The following ZNF416 variants were observed in gnomAD, a reference collection of about 807,000 sequenced individuals.
ZNF416 encodes the protein zinc finger protein 416.
Under a neutral mutation model 10.9 loss-of-function variants are expected in ZNF416, and 5 were observed. The ratio of observed to expected loss-of-function variants is 0.46; its 90% confidence interval spans 0.24 to 0.97. The LOEUF (loss-of-function observed/expected upper bound fraction) is 0.97. Among genes scored for constraint, ZNF416 ranks in the 50% least tolerant of loss-of-function variants. The probability of loss-of-function intolerance (pLI) is 0.19; values close to 1 mark genes in which losing one functional copy is unlikely to be tolerated. For synonymous variants in ZNF416, 267 were observed against 251.8 expected (o/e 1.06, Z -0.57); for missense variants, 675 against 715.0 (o/e 0.94, Z 0.64).
chr19:57,578,365 G>A (rs1599911083), intron 1 of ZNF416: 1 of 572,340 alleles, frequency 1.7e-6, no homozygotes, highest in Non-Finnish European at 3.1e-6. Flanking sequence ...CTCAGACCAT[G>A]TGCCTCGTCT....
Position 57,572,240 on chromosome 19 carries a change from C to T in ZNF416, c.1664G>A (p.Cys555Tyr), listed in dbSNP as rs1255369968. 1 of 1,614,232 alleles carries T rather than the reference C, an allele frequency of 6.2e-7. No homozygotes were observed. The highest frequency in any genetic ancestry group is 8.5e-7 in the Non-Finnish European group (1 of 1,180,052). Residue 555 changes from cysteine to tyrosine, a missense_variant, in exon 4 of 4, where the codon TGT (cysteine) becomes TAT (tyrosine). Transcript: ENST00000196489. The surrounding 1 kb of genome is among the most constrained non-coding windows in gnomAD (Gnocchi z 4.5). Reference sequence around the variant, plus strand: ...AGAGTGTTGTGTAAAGGACTTCCCACATTTGCCACACTCATATGGCCTTTC... The same window carrying T: ...AGAGTGTTGTGTAAAGGACTTCCCATATTTGCCACACTCATATGGCCTTTC... ...TGERPYECGK[C>Y]GKSFTQHSGL...
At chr19:57,577,905 C>T (rs1305838638) in intron 2 of ZNF416, 152 bp downstream of exon 2, 2 of 788,216 alleles carry the variant, frequency 2.5e-6, no homozygotes, top group Non-Finnish European at 4.2e-6. Flanking sequence ...ATACCAGCTT[C>T]CAGCCTGGAT....
chr19:57,577,748 C>A (rs1412356426), intron 2 of ZNF416, among the ~76,000 whole-genome samples: 2 of 152,304 alleles, frequency 1.3e-5, no homozygotes, highest in Non-Finnish European at 2.9e-5. Flanking sequence ...TCCTGCATCC[C>A]AGCTTTCAGT....
rs190913412 is a variant in ZNF416, at chr19:57,575,584, G to A, written c.202+220C>T. Among the ~76,000 whole-genome samples, 191 of 152,272 alleles carry A rather than the reference G, an allele frequency of 1.3e-3. No individual in the cohort carries two copies. Among genetic ancestry groups the A allele is most frequent in the African/African-American group, 3.9e-3 (164 of 41,542 alleles). ...TGAAGAAGTAAACGGAGATGCATTA[G>A]GCTGACTCAAGACACCTAACAGCCA... On this transcript the variant is annotated intron_variant, in intron 3 of 3. Coordinates refer to ENST00000196489, the MANE Select transcript of ZNF416 (RefSeq NM_017879.3). The surrounding 1 kb of genome is among the most constrained non-coding windows in gnomAD (Gnocchi z 4.4).
rs995666725 is a variant in ZNF416 at position 57,575,572 on chromosome 19, G to A, written c.202+232C>T. On this transcript the variant is annotated intron_variant, in intron 3 of 3. Transcript: ENST00000196489. This position sits in a 1 kb window ranked among gnomAD's most constrained non-coding sequence, Gnocchi z 4.4. The stretch of plus-strand genomic sequence containing the variant: ...CCAAAGAGGAAGTGAAGAAGTAAAC[G>A]GAGATGCATTAGGCTGACTCAAGAC... 3.3e-5 allele frequency among the ~76,000 whole-genome samples: 5 copies of A among 152,274 alleles called. No individual in the cohort carries two copies. Among genetic ancestry groups the A allele is most frequent in the African/African-American group, 4.8e-5 (2 of 41,548 alleles).
intron 3 of ZNF416, among the ~76,000 whole-genome samples, chr19:57,573,943 G>C (rs1176217602): frequency 6.6e-6 from 1 of 152,140 alleles, no homozygotes; most frequent in Non-Finnish European, 1.5e-5. Context: ...AGAATTGCTT[G>C]AATCCGGGAG....
At chr19:57,577,586 T>C (rs1978590022) in intron 2 of ZNF416, among the ~76,000 whole-genome samples, 1 of 152,124 alleles carries the variant, frequency 6.6e-6, no homozygotes, top group Admixed American at 6.5e-5. Flanking sequence ...ATCTCATACC[T>C]CACACTCAGC....
Position 57,573,065 on chromosome 19 carries a change from C to T in ZNF416, c.839G>A (p.Ser280Asn). The T allele has an allele frequency of 6.2e-7, 1 of 1,614,222 alleles. No individual in the cohort carries two copies. Among genetic ancestry groups the T allele is most frequent in the South Asian group, 1.1e-5 (1 of 91,084 alleles). Residue 280 changes from serine (S) to asparagine (N), a missense_variant, in exon 4 of 4, where the codon AGC (serine) becomes AAC (asparagine). By Grantham distance (46) the Ser-to-Asn change is conservative. Transcript: ENST00000196489. ...ATGATCATTCAGATGAGAGGTTTGG[C>T]TAAAAGATTTCCCACATTCACTGCA... ...YECSECGKSF[S>N]QTSHLNDHRR...
chr19:57,571,763 G>A lies in ZNF416; in HGVS notation c.*356C>T. 1 of 210,680 alleles carries A rather than the reference G, an allele frequency of 4.7e-6. No homozygotes were observed. The highest frequency in any genetic ancestry group is 1.1e-4 in the South Asian group (1 of 9,378). The allele number at this position is 210,680 out of a possible 1,614,324, so 13.1% of individuals were successfully genotyped here. A position where few individuals can be genotyped will look rare whatever the true frequency, so the allele number is the denominator to read the frequency against. The stretch of plus-strand genomic sequence containing the variant: ...TCTGGCCAAAACTGGTCAGATGTAT[G>A]CTGTAATCAGTCAGAAAAGGGAAGG... On this transcript the variant is annotated 3_prime_UTR_variant, in exon 4 of 4. Coordinates refer to ENST00000196489, the MANE Select transcript of ZNF416 (RefSeq NM_017879.3).
In ZNF416 at chr19:57,571,832, G is replaced by A; in HGVS notation, c.*287C>T. ...AGACTGCTCAAGGAATTTCCTCCAAGGGTTGGGAGAACACAGGTGTATCTG... is the reference window on the plus strand; with the variant it reads ...AGACTGCTCAAGGAATTTCCTCCAAAGGTTGGGAGAACACAGGTGTATCTG... On this transcript the variant is annotated 3_prime_UTR_variant, in exon 4 of 4. Coordinates refer to ENST00000196489, the MANE Select transcript of ZNF416 (RefSeq NM_017879.3). 2 of 351,286 alleles carry A rather than the reference G, an allele frequency of 5.7e-6. No homozygotes were observed. The highest frequency in any genetic ancestry group is 1.2e-4 in the South Asian group (2 of 16,024). The allele number at this position is 351,286 out of a possible 1,614,324, so 21.8% of individuals were successfully genotyped here. A position where few individuals can be genotyped will look rare whatever the true frequency, so the allele number is the denominator to read the frequency against.
intron 2 of ZNF416, 117 bp from the exon 3 acceptor site, chr19:57,576,047 G>C (rs1345902189): frequency 7.5e-7 from 1 of 1,340,474 alleles, no homozygotes; most frequent in Non-Finnish European, 1.0e-6. Context: ...CCTCAGAGGA[G>C]ATACCAAGAC....
Position 57,573,369 on chromosome 19 carries a change from C to T in ZNF416, c.535G>A (p.Asp179Asn). The T allele has an allele frequency of 6.2e-7, 1 of 1,614,238 alleles. No individual in the cohort carries two copies. Among genetic ancestry groups the T allele is most frequent in the African/African-American group, 1.3e-5 (1 of 75,068 alleles). The change falls in exon 4 of 4, where the codon GAC (aspartate) becomes AAC (asparagine). Residue 179 changes from aspartate (D) to asparagine (N), a missense_variant. By Grantham distance (23) the Asp-to-Asn change is conservative (BLOSUM62 1). Coordinates refer to ENST00000196489, the MANE Select transcript of ZNF416 (RefSeq NM_017879.3). Reference protein sequence around the residue: ...MPFTSSEVGKDFLAPLGILQP... With the variant: ...MPFTSSEVGKNFLAPLGILQP... ...AGAATGCCCAATGGGGCTAGGAAGTCCTTCCCAACCTCACTGCTGGTGAAA... is the reference window on the plus strand; with the variant it reads ...AGAATGCCCAATGGGGCTAGGAAGTTCTTCCCAACCTCACTGCTGGTGAAA...
At position 57,578,708 on chromosome 19, in the gene ZNF416, A is replaced by C. The variant is rs1216749971; in HGVS notation, c.-4T>G. 6.5e-7 allele frequency: 1 copy of C among 1,536,374 alleles called. No homozygotes were observed. The highest frequency in any genetic ancestry group is 1.4e-5 in the African/African-American group (1 of 70,558). On this transcript the variant is annotated 5_prime_UTR_variant, in exon 1 of 4. Coordinates refer to ENST00000196489, the MANE Select transcript of ZNF416 (RefSeq NM_017879.3). ...CCCTAAGCACGGCCGCCGCCATCGG[A>C]TTGTGAGCGGAGCGGGGCCGGGAGC...
Position 57,572,199 on chromosome 19 carries a change from G to GGT in ZNF416, c.1703_1704dup (p.Arg569ThrfsTer30). ...GGCCTCTCCACAGTGTGAGATTTTC[G>GGT]GTGGAGAATGAGGCCAGAGTGTTGT... is the stretch of plus-strand genomic sequence containing the variant. On this transcript the variant is annotated frameshift_variant, in exon 4 of 4. Coordinates refer to ENST00000196489, the MANE Select transcript of ZNF416 (RefSeq NM_017879.3). LOFTEE classifies it low-confidence loss of function (END_TRUNC). This position sits in a 1 kb window ranked among gnomAD's most constrained non-coding sequence, Gnocchi z 4.5. 1 of 1,614,144 alleles carries GGT rather than the reference G, an allele frequency of 6.2e-7. No individual in the cohort carries two copies. The highest frequency in any genetic ancestry group is 8.5e-7 in the Non-Finnish European group (1 of 1,180,024).
rs560019308 is a variant in ZNF416, at chr19:57,571,934, G to T, written c.*185C>A. The T allele has an allele frequency of 5.8e-6, 4 of 686,764 alleles. No homozygotes were observed. The South Asian group carries it at 6.4e-5, about 11-fold the overall frequency. 42.5% of individuals were successfully genotyped at this position (686,764 alleles called of 1,614,324 possible). A position where few individuals can be genotyped will look rare whatever the true frequency, so the allele number is the denominator to read the frequency against. On this transcript the variant is annotated 3_prime_UTR_variant, in exon 4 of 4. Transcript: ENST00000196489. ...CCAGCAGTTTAGAACATGCAAAGGA[G>T]CTCCTGCAAGACACATATGCCTGGA...
rs546725681 is a variant in ZNF416, at chr19:57,578,877, C to A, written c.-173G>T. 2,996 of 531,158 alleles carry A rather than the reference C, an allele frequency of 5.6e-3. 22 individuals carry two copies. The highest frequency in any genetic ancestry group is 6.4e-3 in the Non-Finnish European group (2,071 of 321,422). The allele number at this position is 531,158 out of a possible 1,614,324, so 32.9% of individuals were successfully genotyped here. On this transcript the variant is annotated 5_prime_UTR_variant, in exon 1 of 4. Transcript: ENST00000196489. The stretch of plus-strand genomic sequence containing the variant: ...GGCGTGGGCCGAGGTAGAGAACCAC[C>A]AAAATTACCATCTCGGAGCGGTGCC...
intron 2 of ZNF416, 97 bp downstream of exon 2, chr19:57,577,960 G>A: frequency 7.4e-7 from 1 of 1,345,028 alleles, no homozygotes; most frequent in African/African-American, 1.4e-5. Context: ...CTAGAACCAA[G>A]GACCCAAAGA....
chr19:57,578,549 G>T, intron 1 of ZNF416, 123 bp downstream of exon 1: 1 of 1,132,940 alleles, frequency 8.8e-7, no homozygotes. Flanking sequence ...AGCCCCACCC[G>T]CGAGGGCCTC....
chr19:57,577,356 A>C (rs181760768), intron 2 of ZNF416, among the ~76,000 whole-genome samples: 42 of 152,248 alleles, frequency 2.8e-4, no homozygotes, highest in African/African-American at 9.9e-4. Flanking sequence ...TCTACTACCA[A>C]CTTTACAATC....
Sources: gnomAD v4.1 joint callset for allele counts (sites outside exome capture counted in the v4.1 genomes callset) on GRCh38, gnomAD v4.1.1 for gene constraint, Gnocchi (gnomAD v3.1) non-coding constraint, MANE v1.5 for transcripts, NCBI Gene and HGNC (gene_info 2026-07-23, HGNC 2026-07-21) for gene names.